Variants in CCSER2 observed in about 807,000 individuals in gnomAD.
CCSER2 encodes coiled-coil serine rich protein 2, also known as serine-rich coiled-coil domain-containing protein 2.
In CCSER2, 46 loss-of-function variants were observed where a neutral mutation model predicts 92.3. The ratio of observed to expected loss-of-function variants is 0.50; its 90% CI spans 0.39 to 0.64. The LOEUF is 0.64. CCSER2 is among the 30% of genes least tolerant of loss of function. CCSER2 has a pLI of 0.00. For synonymous variants in CCSER2, 433 were observed against 431.4 expected (o/e 1.00, Z -0.04); for missense variants, 1,244 against 1,238.9 (o/e 1.00, Z -0.06).
intron 1 of CCSER2, among the ~76,000 whole-genome samples, chr10:84,339,514 T>C (rs531678611): frequency 1.3e-5 from 2 of 152,166 alleles, no homozygotes; most frequent in Non-Finnish European, 2.9e-5. Flanking sequence ...TTACTCTTGT[T>C]GCCCAGGCTG....
At chr10:84,339,368 T>C (rs897307473) in intron 1 of CCSER2, among the ~76,000 whole-genome samples, 22 of 152,224 alleles carry the variant, frequency 1.4e-4, no homozygotes, top group African/African-American at 5.1e-4. Flanking sequence ...AAAGATCAGA[T>C]TTTTTATTAG....
intron 9 of CCSER2, among the ~76,000 whole-genome samples, chr10:84,511,228 T>C (rs138984411): frequency 1.3e-5 from 2 of 152,348 alleles, no homozygotes; most frequent in East Asian, 1.9e-4. Flanking sequence ...TGAAGCTTTA[T>C]TGCATTTAAT....
chr10:84,500,208 C>T (rs1848653323), intron 9 of CCSER2, among the ~76,000 whole-genome samples: 2 of 152,308 alleles, frequency 1.3e-5, no homozygotes, highest in South Asian at 4.1e-4. Flanking sequence ...AAACCTATTG[C>T]CAGTGACCCT....
intron 6 of CCSER2, among the ~76,000 whole-genome samples, chr10:84,460,136 C>A (rs531926550): frequency 5.0e-4 from 69 of 139,350 alleles, no homozygotes; most frequent in Non-Finnish European, 8.7e-4. Context: ...GTTGCCCAGG[C>A]TGGAGTGCGG....
intron 6 of CCSER2, among the ~76,000 whole-genome samples, chr10:84,458,041 T>G (rs1390062371): frequency 6.6e-6 from 1 of 152,004 alleles, no homozygotes; most frequent in Non-Finnish European, 1.5e-5. Flanking sequence ...GAGCAAAAGT[T>G]CTGCTCTTGA....
intron 4 of CCSER2, among the ~76,000 whole-genome samples, chr10:84,420,847 C>T (rs759432277): frequency 2.0e-4 from 30 of 150,766 alleles, no homozygotes; most frequent in Non-Finnish European, 3.7e-4. Context: ...GCAGGAGAAT[C>T]GCTTAAACCC....
At chr10:84,408,668 T>A (rs1842490047) in intron 3 of CCSER2, among the ~76,000 whole-genome samples, 1 of 152,238 alleles carries the variant, frequency 6.6e-6, no homozygotes, top group Non-Finnish European at 1.5e-5. Context: ...AAGTTTGGCA[T>A]CTTTTTAACA....
chr10:84,337,211 GT>G (rs1026955577), intron 1 of CCSER2, among the ~76,000 whole-genome samples: 3 of 152,206 alleles, frequency 2.0e-5, no homozygotes, highest in Non-Finnish European at 2.9e-5. Context: ...AATTTAGGGA[GT>G]GAATGTGGCT....
rs1425680649 is a variant in CCSER2, at chr10:84,513,873, C to T, written c.2750C>T (p.Pro917Leu). ...QSPPVGYMSQ[P>L]KSLQLLKPSI... ...CCGCCAGTGGGTTATATGTCTCAGC[C>T]CAAGTCCTTGCAGCTTTTAAAGCCA... Residue 917 changes from proline (P) to leucine (L), a missense_variant, in exon 10 of 10, where the codon CCC becomes CTC. By Grantham distance (98) the Pro-to-Leu change is moderately conservative (BLOSUM62 -3). Coordinates refer to ENST00000372088, the MANE Select transcript of CCSER2 (RefSeq NM_001284240.2). The T allele has an allele frequency of 6.5e-7, 1 of 1,536,288 alleles. No homozygotes were observed. The highest frequency in any genetic ancestry group is 8.7e-7 in the Non-Finnish European group (1 of 1,146,952).
intron 3 of CCSER2, among the ~76,000 whole-genome samples, chr10:84,403,166 C>G (rs1419545673): frequency 1.8e-5 from 2 of 112,526 alleles, no homozygotes; most frequent in Non-Finnish European, 1.8e-5. Context: ...CAAATATGCC[C>G]AAGTGATTTT....
intron 9 of CCSER2, among the ~76,000 whole-genome samples, chr10:84,483,215 A>T (rs369313555): frequency 2.5e-4 from 38 of 152,280 alleles, no homozygotes; most frequent in African/African-American, 7.7e-4. Context: ...CAACATGGAG[A>T]AACCCCGTCT....
chr10:84,480,085 C>T (rs959220245), intron 9 of CCSER2, among the ~76,000 whole-genome samples: 1 of 152,136 alleles, frequency 6.6e-6, no homozygotes, highest in Non-Finnish European at 1.5e-5. Context: ...TGGTCTGTCA[C>T]CCAGGCTAGA....
intron 9 of CCSER2, among the ~76,000 whole-genome samples, chr10:84,507,801 A>T (rs566845610): frequency 6.6e-6 from 1 of 152,028 alleles, no homozygotes; most frequent in Non-Finnish European, 1.5e-5. Context: ...GCCTTTTTTC[A>T]TGTTCATTAT....
chr10:84,483,995 A>ATATATG (rs1564711747), intron 9 of CCSER2, among the ~76,000 whole-genome samples: 22 of 72,326 alleles, frequency 3.0e-4, no homozygotes, highest in Admixed American at 4.5e-4. Context: ...ATATATATAT[A>ATATATG]TAATTTTTTT....
chr10:84,391,499 T>A (rs143527626), intron 3 of CCSER2: 8 of 1,538,158 alleles, frequency 5.2e-6, no homozygotes, highest in Admixed American at 3.3e-5. Context: ...TATAGCTGAT[T>A]TCATGCCAAT....
At position 84,425,882 on chromosome 10, in the gene CCSER2, T is replaced by G; in HGVS notation, c.1857T>G (p.Ser619Arg). ...ACCACTATCATCACCATGGAAAAAG[T>G]GACTTGAGCAGGTAAGTACTGTTCT... ...HPDHYHHHGKSDLSRGSPYRE... is the reference protein window; with the variant it reads ...HPDHYHHHGKRDLSRGSPYRE... The change falls in exon 5 of 10, where the codon AGT becomes AGG. Residue 619 changes from serine to arginine, a missense_variant. Physicochemically the swap from Ser to Arg is moderately radical, Grantham distance 110 (BLOSUM62 -1). Transcript: ENST00000372088. 1.2e-6 allele frequency: 2 copies of G among 1,600,546 alleles called. No individual in the cohort carries two copies. Among genetic ancestry groups the G allele is most frequent in the Non-Finnish European group, 1.7e-6 (2 of 1,172,266 alleles).
At chr10:84,463,298 C>T (rs186727293) in intron 6 of CCSER2, among the ~76,000 whole-genome samples, 31 of 152,230 alleles carry the variant, frequency 2.0e-4, no homozygotes, top group Non-Finnish European at 3.7e-4. Flanking sequence ...GTTTAACTAC[C>T]GTACACTCAG....
In CCSER2 at chr10:84,465,775, G is replaced by A. The variant is rs531135096; in HGVS notation, c.2148+1759G>A. ...TGCTTTTTTTTTCTTTTTTGAGATGGAGTCTTGCTCTGTTGCCTAGGCTGG... is the reference window on the plus strand; with the variant it reads ...TGCTTTTTTTTTCTTTTTTGAGATGAAGTCTTGCTCTGTTGCCTAGGCTGG... On this transcript the variant is annotated intron_variant, in intron 7 of 9. Transcript: ENST00000372088. Among the ~76,000 whole-genome samples, 11 of 151,446 alleles carry A rather than the reference G, an allele frequency of 7.3e-5. No individual in the cohort carries two copies. The East Asian group carries it at 7.8e-4, about 11-fold the overall frequency.
At chr10:84,509,464 C>A (rs1264048918) in intron 9 of CCSER2, among the ~76,000 whole-genome samples, 2 of 152,306 alleles carry the variant, frequency 1.3e-5, no homozygotes, top group East Asian at 3.9e-4. Flanking sequence ...TAGACATTTA[C>A]AATTATCATT....
Sources: allele counts gnomAD v4.1 joint callset (sites outside exome capture counted in the v4.1 genomes callset), GRCh38; gene constraint gnomAD v4.1.1; transcripts MANE v1.5; gene names NCBI Gene and HGNC (gene_info 2026-07-23, HGNC 2026-07-21).